Variants in USO1 observed in about 807,000 individuals in gnomAD.
USO1 encodes USO1 vesicle transport factor.
USO1 carries 57 observed loss-of-function variants against 124.5 expected under a neutral mutation model. That is an observed-to-expected ratio of 0.46 (90% CI 0.37 to 0.57). USO1 has a LOEUF of 0.57. Among genes scored for constraint, USO1 ranks in the 20% least tolerant of loss-of-function variants. The pLI is 0.00. For synonymous variants in USO1, 369 were observed against 362.8 expected (o/e 1.02, Z -0.19); for missense variants, 900 against 1,040.6 (o/e 0.86, Z 1.86).
chr4:75,775,037 A>G (rs541451960), intron 8 of USO1, among the ~76,000 whole-genome samples: 1 of 152,116 alleles, frequency 6.6e-6, no homozygotes, highest in South Asian at 2.1e-4. Flanking sequence ...CAAATACTGT[A>G]TTGCTAGGTT....
At chr4:75,744,664 C>A (rs1721069209) in intron 1 of USO1, among the ~76,000 whole-genome samples, 1 of 152,214 alleles carries the variant, frequency 6.6e-6, no homozygotes, top group Admixed American at 6.5e-5. Context: ...AGGTGATCTG[C>A]CTGCCTTGGC....
chr4:75,741,938 G>A (rs1720973688), intron 1 of USO1, among the ~76,000 whole-genome samples: 1 of 152,006 alleles, frequency 6.6e-6, no homozygotes, highest in Non-Finnish European at 1.5e-5. Context: ...GTTAGCCTAG[G>A]CCTACACAGG....
At chr4:75,732,537 A>G (rs927954497) in intron 1 of USO1, among the ~76,000 whole-genome samples, 14 of 152,172 alleles carry the variant, frequency 9.2e-5, no homozygotes, top group Non-Finnish European at 1.9e-4. Context: ...CATTAAAAAC[A>G]TTATAATTGA....
chr4:75,802,736 C>CTTTTTTTTTTTTTTTTTTT lies in USO1; in HGVS notation c.1987-1391_1987-1373dup, dbSNP rs997798305. ...TGCTTTCCATTTTTCTTTTTCTTTTCTTTTTTTTTTTTTTTTTTTTTTTTT... is the reference window on the plus strand; with the variant it reads ...TGCTTTCCATTTTTCTTTTTCTTTTCTTTTTTTTTTTTTTTTTTTTTTTTTTTTTTTTTTTTTTTTTTTT... On this transcript the variant is annotated intron_variant, in intron 17 of 23. Coordinates refer to ENST00000514213, the MANE Select transcript of USO1 (RefSeq NM_003715.4). Among the ~76,000 whole-genome samples, 276 of 63,736 alleles carry CTTTTTTTTTTTTTTTTTTT rather than the reference C, an allele frequency of 4.3e-3. 1 individual carries two copies. The highest frequency in any genetic ancestry group is 6.7e-3 in the African/African-American group (102 of 15,162). The allele number at this position is 63,736 out of a possible 152,430, so 41.8% of individuals were successfully genotyped here. A position where few individuals can be genotyped will look rare whatever the true frequency, so the allele number is the denominator to read the frequency against.
intron 3 of USO1, among the ~76,000 whole-genome samples, chr4:75,753,040 TA>T (rs1449004838): frequency 0.094 from 14,308 of 152,210 alleles, 887 homozygotes; most frequent in South Asian, 0.2. Context: ...TTACATATAA[TA>T]TACATATTTT....
At chr4:75,756,169 C>A (rs372757604) in intron 3 of USO1, among the ~76,000 whole-genome samples, 381 of 111,972 alleles carry the variant, frequency 3.4e-3, no homozygotes, top group Admixed American at 4.1e-3. Flanking sequence ...GACTCCGTCT[C>A]AAAAAAAAAA....
intron 1 of USO1, among the ~76,000 whole-genome samples, chr4:75,743,264 C>T (rs913633101): frequency 3.3e-5 from 5 of 152,132 alleles, no homozygotes; most frequent in Admixed American, 1.3e-4. Context: ...GGATTACAAG[C>T]GTGAGCCACC....
At chr4:75,739,386 G>T (rs890954676) in intron 1 of USO1, among the ~76,000 whole-genome samples, 1 of 152,098 alleles carries the variant, frequency 6.6e-6, no homozygotes, top group Non-Finnish European at 1.5e-5. Flanking sequence ...TGGTACAGCA[G>T]TGAAAAATTT....
At chr4:75,803,464 A>G (rs1045019146) in intron 17 of USO1, among the ~76,000 whole-genome samples, 5 of 151,998 alleles carry the variant, frequency 3.3e-5, no homozygotes, top group Non-Finnish European at 7.4e-5. Flanking sequence ...CCTGGCCAAC[A>G]TGGTGAAACC....
intron 9 of USO1, among the ~76,000 whole-genome samples, chr4:75,783,650 A>G (rs1378852702): frequency 6.6e-6 from 1 of 152,134 alleles, no homozygotes; most frequent in Non-Finnish European, 1.5e-5. Flanking sequence ...TAGGTCCGCT[A>G]GTAATTAGAG....
chr4:75,790,727 G>C lies in USO1; in HGVS notation c.1170G>C (p.Gln390His). 6.2e-7 allele frequency: 1 copy of C among 1,613,550 alleles called. No homozygotes were observed. Among genetic ancestry groups the C allele is most frequent in the Non-Finnish European group, 8.5e-7 (1 of 1,179,688 alleles). ...GCTGTGCTGTTCTCTATTGTTTCCA[G>C]TGTTTCTTGTATAAAAACCAAAAAG... The part of the protein sequence containing the change: ...VLRCAVLYCF[Q>H]CFLYKNQKGQ... The change falls in exon 12 of 24, where the codon CAG (glutamine) becomes CAC (histidine). Residue 390 changes from glutamine to histidine, a missense_variant. Transcript: ENST00000514213.
At position 75,796,341 on chromosome 4, in the gene USO1, C is replaced by CTTTTTTTTTTTTTTTTTTTT. The variant is rs533041107; in HGVS notation, c.1452+2452_1452+2453insTTTTTTTTTTTTTTTTTTTT. On this transcript the variant is annotated intron_variant, in intron 13 of 23. Coordinates refer to ENST00000514213, the MANE Select transcript of USO1 (RefSeq NM_003715.4). ...TAATCCCAGAAAGTTCCATCATGCT[C>CTTTTTTTTTTTTTTTTTTTT]TTTTTTTTTTTTGAGACGGAGTCTC... 7.4e-3 allele frequency among the ~76,000 whole-genome samples: 754 copies of CTTTTTTTTTTTTTTTTTTTT among 101,914 alleles called. 152 individuals carry two copies. The highest frequency in any genetic ancestry group is 0.01 in the East Asian group (27 of 2,602). 66.9% of individuals were successfully genotyped at this position (101,914 alleles called of 152,430 possible).
At chr4:75,744,631 G>T (rs1325445781) in intron 1 of USO1, among the ~76,000 whole-genome samples, 1 of 152,120 alleles carries the variant, frequency 6.6e-6, no homozygotes, top group Non-Finnish European at 1.5e-5. Context: ...TTTTGGGCAG[G>T]CTGGTCTTGA....
intron 1 of USO1, among the ~76,000 whole-genome samples, chr4:75,733,561 G>T (rs560146447): frequency 1.3e-5 from 2 of 152,274 alleles, no homozygotes; most frequent in Admixed American, 1.3e-4. Flanking sequence ...ACTTGCATTT[G>T]TCAGATGATT....
chr4:75,730,976 T>G (rs572688814), intron 1 of USO1, among the ~76,000 whole-genome samples: 19 of 152,320 alleles, frequency 1.2e-4, no homozygotes, highest in African/African-American at 3.6e-4. Context: ...TGATAGGTTA[T>G]TTGGTAGACA....
chr4:75,730,833 G>T (rs1169448138), intron 1 of USO1, among the ~76,000 whole-genome samples: 2 of 150,718 alleles, frequency 1.3e-5, no homozygotes, highest in African/African-American at 4.9e-5. Flanking sequence ...TTTTTTTAAA[G>T]AGACAGGCTC....
intron 8 of USO1, among the ~76,000 whole-genome samples, chr4:75,781,146 G>C (rs576435408): frequency 9.3e-4 from 142 of 152,216 alleles, no homozygotes; most frequent in African/African-American, 3.3e-3. Context: ...GGAAGAAGTT[G>C]ATTCCGGCAA....
intron 8 of USO1, 113 bp downstream of exon 8, chr4:75,774,909 T>A: frequency 7.2e-7 from 1 of 1,389,718 alleles, no homozygotes; most frequent in Non-Finnish European, 9.5e-7. Flanking sequence ...ACTCTTTGTT[T>A]TTCTTTCACT....
intron 1 of USO1, among the ~76,000 whole-genome samples, chr4:75,737,159 CTACT>C (rs1720815859): frequency 6.6e-6 from 1 of 152,208 alleles, no homozygotes; most frequent in Admixed American, 6.5e-5. Context: ...TGCTATCTCA[CTACT>C]TACTTTATAA....
Sources: gnomAD v4.1 joint callset for allele counts (sites outside exome capture counted in the v4.1 genomes callset) on GRCh38, gnomAD v4.1.1 for gene constraint, MANE v1.5 for transcripts, NCBI Gene and HGNC (gene_info 2026-07-23, HGNC 2026-07-21) for gene names.